SLIT1: variants seen among roughly 807,000 people sequenced by gnomAD.
SLIT1 encodes the protein slit guidance ligand 1, also known as slit homolog 1 protein.
Under a neutral mutation model 186.1 loss-of-function variants are expected in SLIT1, and 66 were observed. The ratio of observed to expected loss-of-function variants is 0.35; its 90% CI spans 0.29 to 0.44. The LOEUF is 0.44. Ranked by LOEUF, SLIT1 falls within the 20% of genes least tolerant of loss-of-function variation. The pLI is 1.00. For synonymous variants in SLIT1, 761 were observed against 833.8 expected, an observed-to-expected ratio of 0.91 and a Z score of 1.50; for missense variants, 1,638 against 2,037.4, an observed-to-expected ratio of 0.80 and a Z score of 3.77.
intron 27 of SLIT1, 29 bp from the exon 28 acceptor site, chr10:97,018,712 C>G: frequency 6.9e-7 from 1 of 1,446,630 alleles, no homozygotes; most frequent in Non-Finnish European, 9.5e-7. Flanking sequence ...ATGGGGACCC[C>G]AGGGAGACCC....
intron 20 of SLIT1, among the ~76,000 whole-genome samples, chr10:97,040,930 G>C (rs1038100814): frequency 6.6e-6 from 1 of 152,196 alleles, no homozygotes; most frequent in Non-Finnish European, 1.5e-5. Flanking sequence ...GGTCGCCTGT[G>C]TGCAGGCCCC....
At chr10:97,044,816 G>A (rs910077959) in intron 18 of SLIT1, among the ~76,000 whole-genome samples, 2 of 152,136 alleles carry the variant, frequency 1.3e-5, no homozygotes, top group Non-Finnish European at 2.9e-5. Context: ...TGCATTATAC[G>A]TGAACTTCAC....
intron 4 of SLIT1, among the ~76,000 whole-genome samples, chr10:97,150,485 C>A (rs928583864): frequency 6.6e-6 from 1 of 152,058 alleles, no homozygotes; most frequent in African/African-American, 2.4e-5. Flanking sequence ...CTCATATCCA[C>A]GCCTCTCCAA....
intron 4 of SLIT1, among the ~76,000 whole-genome samples, chr10:97,107,380 G>A (rs893915209): frequency 3.3e-5 from 5 of 152,004 alleles, no homozygotes; most frequent in Non-Finnish European, 5.9e-5. Context: ...CATCTCTCCC[G>A]GGGTAAGGCA....
At chr10:97,109,745 C>G (rs1696684453) in intron 4 of SLIT1, among the ~76,000 whole-genome samples, 1 of 152,122 alleles carries the variant, frequency 6.6e-6, no homozygotes, top group South Asian at 2.1e-4. Flanking sequence ...AGCTTTTGTG[C>G]CTGATCAGTC....
Position 96,999,525 on chromosome 10 carries a change from G to T in SLIT1, c.*1587C>A, listed in dbSNP as rs142534520. The T allele has an allele frequency of 6.6e-6, 1 of 152,400 alleles. No individual in the cohort carries two copies. The highest frequency in any genetic ancestry group is 6.5e-5 in the Admixed American group (1 of 15,284). The allele number at this position is 152,400 out of a possible 1,614,324, so 9.4% of individuals were successfully genotyped here. ...CACAGATGGAGGGAGCCAGGGCAGG[G>T]ACATGCTCACCCCCGTTGCCCACCA... On this transcript the variant is annotated 3_prime_UTR_variant, in exon 37 of 37. Transcript: ENST00000266058.
At chr10:97,040,939 C>G (rs1848685257) in intron 20 of SLIT1, among the ~76,000 whole-genome samples, 1 of 152,068 alleles carries the variant, frequency 6.6e-6, no homozygotes. Context: ...TGTGCAGGCC[C>G]CACAGGATAA....
Position 97,060,703 on chromosome 10 carries a change from A to G in SLIT1, c.878T>C (p.Val293Ala). ...PAMCTCSNGI[V>A]DCRGKGLTAI... ...AGTGAGGCCTTTTCCACGACAGTCC[A>G]CGATGCCATTGCTGCAGGTGCACAT... The change falls in exon 9 of 37, where the codon GTG (valine) becomes GCG (alanine). Residue 293 changes from valine (V) to alanine (A), a missense_variant. Physicochemically the swap from Val to Ala is moderately conservative, Grantham distance 64. Transcript: ENST00000266058. 2 of 1,613,820 alleles carry G rather than the reference A, an allele frequency of 1.2e-6. No homozygotes were observed. The highest frequency in any genetic ancestry group is 1.7e-6 in the Non-Finnish European group (2 of 1,180,022).
chr10:97,089,018 C>G (rs1426297476), intron 4 of SLIT1, among the ~76,000 whole-genome samples: 1 of 152,016 alleles, frequency 6.6e-6, no homozygotes, highest in Admixed American at 6.5e-5. Flanking sequence ...CAGGTGCACT[C>G]CTGGGCAGCA....
chr10:97,159,103 C>T (rs1849993035), intron 3 of SLIT1, among the ~76,000 whole-genome samples: 1 of 152,152 alleles, frequency 6.6e-6, no homozygotes, highest in South Asian at 2.1e-4. Flanking sequence ...AACAAATCCC[C>T]CATGGATACC....
chr10:97,003,610 T>TG (rs1366381359), intron 34 of SLIT1, among the ~76,000 whole-genome samples: 6 of 152,162 alleles, frequency 3.9e-5, no homozygotes, highest in Admixed American at 3.9e-4. Flanking sequence ...GAGAAATGCT[T>TG]GCAGGTGGTA....
At chr10:97,141,706 T>TATCGTATC (rs1564686457) in intron 4 of SLIT1, among the ~76,000 whole-genome samples, 1 of 75,106 alleles carries the variant, frequency 1.3e-5, no homozygotes, top group African/African-American at 8.9e-5. Flanking sequence ...CGTATCGTAT[T>TATCGTATC]GTATTGTACT....
At chr10:97,152,964 A>G (rs1011346027) in intron 4 of SLIT1, 5 of 152,200 alleles carry the variant, frequency 3.3e-5, no homozygotes, top group African/African-American at 9.7e-5. Flanking sequence ...CATGCCCCCA[A>G]TGTTGGACAT....
chr10:97,060,559 C>G, intron 9 of SLIT1, 81 bp downstream of exon 9: 3 of 1,564,446 alleles, frequency 1.9e-6, no homozygotes, highest in Non-Finnish European at 2.6e-6. Flanking sequence ...GAGGCAGCGC[C>G]TACTCCAGCT....
chr10:97,183,569 C>T (rs914884543), intron 1 of SLIT1, among the ~76,000 whole-genome samples: 2 of 152,168 alleles, frequency 1.3e-5, no homozygotes, highest in Non-Finnish European at 2.9e-5. Context: ...GGGAACCAGG[C>T]AGTATAGCTC....
intron 4 of SLIT1, among the ~76,000 whole-genome samples, chr10:97,146,568 A>ACCCCCCCCCCCC (rs1375594901): frequency 6.7e-6 from 1 of 149,910 alleles, no homozygotes; most frequent in Admixed American, 6.7e-5. Context: ...AGCCCCCCCC[A>ACCCCCCCCCCCC]CTGAACACCT....
chr10:97,065,472 T>C (rs1848936471), intron 5 of SLIT1: 2 of 155,618 alleles, frequency 1.3e-5, no homozygotes, highest in Admixed American at 1.3e-4. Context: ...TGGACCAGAA[T>C]ACATTTGAAT....
chr10:97,166,561 G>GGAAGGAAGGAAGGAA (rs1306776201), intron 1 of SLIT1, among the ~76,000 whole-genome samples: 1 of 38,000 alleles, frequency 2.6e-5, no homozygotes, highest in Non-Finnish European at 4.9e-5. Flanking sequence ...GAAGGAAAGA[G>GGAAGGAAGGAAGGAA]AGAGAGAGAG....
At chr10:97,087,759 C>A (rs1849181506) in intron 4 of SLIT1, among the ~76,000 whole-genome samples, 1 of 152,168 alleles carries the variant, frequency 6.6e-6, no homozygotes, top group South Asian at 2.1e-4. Flanking sequence ...TAAGCTTGAG[C>A]TCCAACTCAG....
Sources: gnomAD v4.1 joint callset for allele counts (sites outside exome capture counted in the v4.1 genomes callset) on GRCh38, gnomAD v4.1.1 for gene constraint, MANE v1.5 for transcripts, NCBI Gene and HGNC (gene_info 2026-07-23, HGNC 2026-07-21) for gene names.